The following LRFN2 variants were observed in gnomAD, a reference collection of about 807,000 sequenced individuals.
The protein encoded by LRFN2 is leucine rich repeat and fibronectin type III domain containing 2.
Under a neutral mutation model 37.3 loss-of-function variants are expected in LRFN2, and 18 were observed. That is an observed-to-expected ratio of 0.48 (90% CI 0.33 to 0.72). The LOEUF (loss-of-function observed/expected upper bound fraction) is 0.72. Among genes scored for constraint, LRFN2 ranks in the 30% least tolerant of loss-of-function variants. LRFN2 has a pLI of 0.02. For missense variants in LRFN2, 1,006 were observed against 1,060.7 expected (o/e 0.95, Z 0.72); for synonymous variants, 556 against 466.6 (o/e 1.19, Z -2.47).
intron 1 of LRFN2, among the ~76,000 whole-genome samples, chr6:40,465,177 G>A (rs923860907): frequency 6.6e-6 from 1 of 152,096 alleles, no homozygotes; most frequent in South Asian, 2.1e-4. Context: ...AAGGAGTGTG[G>A]GCAGCCTCTA....
chr6:40,477,556 T>C (rs547784555), intron 1 of LRFN2, among the ~76,000 whole-genome samples: 1 of 152,188 alleles, frequency 6.6e-6, no homozygotes, highest in Non-Finnish European at 1.5e-5. Flanking sequence ...AGGGGTCAAA[T>C]GAGGCTCCAG....
chr6:40,560,548 G>T (rs919443698), intron 1 of LRFN2, among the ~76,000 whole-genome samples: 2 of 152,106 alleles, frequency 1.3e-5, no homozygotes, highest in African/African-American at 2.4e-5. Context: ...CCAGACAGAA[G>T]ATACTCCAGG....
At chr6:40,454,666 C>A (rs750741169) in intron 1 of LRFN2, among the ~76,000 whole-genome samples, 8 of 152,176 alleles carry the variant, frequency 5.3e-5, no homozygotes, top group Non-Finnish European at 1.0e-4. Context: ...CTTATCAGGA[C>A]TCTACACTAT....
intron 1 of LRFN2, among the ~76,000 whole-genome samples, chr6:40,456,005 G>A (rs889093332): frequency 6.6e-6 from 1 of 152,140 alleles, no homozygotes; most frequent in Non-Finnish European, 1.5e-5. Context: ...TTGTGGAGAA[G>A]GCCATGCAGC....
At chr6:40,527,870 G>A (rs1197493445) in intron 1 of LRFN2, among the ~76,000 whole-genome samples, 1 of 152,180 alleles carries the variant, frequency 6.6e-6, no homozygotes, top group Admixed American at 6.5e-5. Context: ...GGAGACAGAG[G>A]AACCTCCTGC....
At chr6:40,573,036 T>C (rs539179537) in intron 1 of LRFN2, among the ~76,000 whole-genome samples, 1 of 152,196 alleles carries the variant, frequency 6.6e-6, no homozygotes, top group Non-Finnish European at 1.5e-5. Context: ...TGAACAGAAC[T>C]GAAAAGGACT....
At chr6:40,507,234 T>A (rs1343472467) in intron 1 of LRFN2, among the ~76,000 whole-genome samples, 2 of 152,200 alleles carry the variant, frequency 1.3e-5, no homozygotes, top group Non-Finnish European at 2.9e-5. Context: ...TACTGACACG[T>A]CAAACTAGTC....
intron 1 of LRFN2, among the ~76,000 whole-genome samples, chr6:40,487,707 A>T (rs1381955259): frequency 3.3e-5 from 5 of 152,220 alleles, no homozygotes; most frequent in African/African-American, 1.2e-4. Flanking sequence ...GATGGCTAGG[A>T]TTTGGAAGTG....
chr6:40,438,574 C>A (rs943673623), intron 1 of LRFN2, among the ~76,000 whole-genome samples: 1 of 152,212 alleles, frequency 6.6e-6, no homozygotes, highest in Non-Finnish European at 1.5e-5. Context: ...GATCGTCTGG[C>A]TCCAGGCCAT....
At chr6:40,479,308 T>C (rs752627429) in intron 1 of LRFN2, among the ~76,000 whole-genome samples, 7 of 152,204 alleles carry the variant, frequency 4.6e-5, no homozygotes, top group Admixed American at 6.5e-5. Context: ...AGCCTAGTCA[T>C]AGCAACCACC....
At chr6:40,396,140 G>T (rs558712331) in intron 2 of LRFN2, among the ~76,000 whole-genome samples, 30 of 152,184 alleles carry the variant, frequency 2.0e-4, no homozygotes, top group Non-Finnish European at 4.1e-4. Flanking sequence ...ACTATTGTGA[G>T]ATATTTAAGG....
intron 2 of LRFN2, among the ~76,000 whole-genome samples, chr6:40,398,890 A>G (rs765068026): frequency 6.6e-6 from 1 of 151,890 alleles, no homozygotes; most frequent in Non-Finnish European, 1.5e-5. Flanking sequence ...CTAGAGGTCT[A>G]TGAAATCACA....
At chr6:40,563,680 G>A (rs181247394) in intron 1 of LRFN2, among the ~76,000 whole-genome samples, 1 of 152,300 alleles carries the variant, frequency 6.6e-6, no homozygotes, top group East Asian at 1.9e-4. Context: ...GTCACAAACA[G>A]CCTCATTTCC....
At chr6:40,436,290 T>C (rs913027809) in intron 1 of LRFN2, among the ~76,000 whole-genome samples, 29 of 152,210 alleles carry the variant, frequency 1.9e-4, no homozygotes, top group African/African-American at 6.5e-4. Flanking sequence ...AGACCAAATA[T>C]ATCCTGTCAC....
chr6:40,561,068 G>A (rs1411306072), intron 1 of LRFN2, among the ~76,000 whole-genome samples: 1 of 152,174 alleles, frequency 6.6e-6, no homozygotes, highest in East Asian at 1.9e-4. Flanking sequence ...AGCAGGGTGT[G>A]TTCAGAAGAG....
At position 40,517,778 on chromosome 6, in the gene LRFN2, A is replaced by C. The variant is rs192044900; in HGVS notation, c.-19+69163T>G. ...ACCAGCAACACACACTTGATGGCAT[A>C]GTGTGTACGTGGCAGAGCTGGGGAG... is the stretch of plus-strand genomic sequence containing the variant. On this transcript the variant is annotated intron_variant, in intron 1 of 2. Coordinates refer to ENST00000338305, the MANE Select transcript of LRFN2 (RefSeq NM_020737.3). Among the ~76,000 whole-genome samples the C allele has an allele frequency of 4.1e-4, 62 of 152,294 alleles. 1 individual carries two copies. The highest frequency in any genetic ancestry group is 1.5e-3 in the African/African-American group (62 of 41,556).
At chr6:40,504,960 C>A (rs549131736) in intron 1 of LRFN2, among the ~76,000 whole-genome samples, 3 of 152,334 alleles carry the variant, frequency 2.0e-5, no homozygotes, top group African/African-American at 7.2e-5. Context: ...GGGCAAACCC[C>A]TCACTCTGTC....
At chr6:40,437,716 G>C (rs1165043678) in intron 1 of LRFN2, among the ~76,000 whole-genome samples, 2 of 152,142 alleles carry the variant, frequency 1.3e-5, no homozygotes, top group Admixed American at 6.5e-5. Flanking sequence ...GGAGACAAGG[G>C]GACTGGATGA....
chr6:40,466,482 T>C (rs1408924441), intron 1 of LRFN2, among the ~76,000 whole-genome samples: 2 of 151,614 alleles, frequency 1.3e-5, no homozygotes, highest in African/African-American at 4.9e-5. Flanking sequence ...AGACAGCCAT[T>C]AGCATCCAGT....
Sources: allele counts gnomAD v4.1 joint callset (sites outside exome capture counted in the v4.1 genomes callset), GRCh38; gene constraint gnomAD v4.1.1; transcripts MANE v1.5; gene names NCBI Gene and HGNC (gene_info 2026-07-23, HGNC 2026-07-21).